L1CAM: variants seen among roughly 807,000 people sequenced by gnomAD.
L1CAM encodes the protein neural cell adhesion molecule L1.
Under a neutral mutation model 93.0 loss-of-function variants are expected in L1CAM, and 8 were observed. The observed-to-expected ratio is 0.09, with a 90% CI of 0.05 to 0.16. L1CAM has a LOEUF of 0.16. L1CAM is among the 10% of genes least tolerant of loss of function. The probability of loss-of-function intolerance (pLI) is 1.00; values close to 1 mark genes in which losing one functional copy is unlikely to be tolerated. For missense variants in L1CAM, 777 were observed against 1,073.4 expected, an observed-to-expected ratio of 0.72 and a Z score of 3.86; for synonymous variants, 453 against 453.0, an observed-to-expected ratio of 1.00 and a Z score of 0.00.
At chrX:153,884,014 G>A (rs1442868422) in intron 1 of L1CAM, 18 of 352,569 alleles carry the variant, frequency 5.1e-5, no homozygotes, top group Admixed American at 3.1e-4. Context: ...GGGAGAGGCC[G>A]ATTGGGGGCA....
Position 153,869,543 on chromosome X carries a change from G to A in L1CAM, c.1244C>T (p.Ala415Val). The A allele has an allele frequency of 8.3e-7, 1 of 1,211,004 alleles. No homozygotes were observed. Among genetic ancestry groups the A allele is most frequent in the Non-Finnish European group, 1.1e-6 (1 of 895,262 alleles). Residue 415 changes from alanine to valine, a missense_variant, in exon 11 of 29, where the codon GCC (alanine) becomes GTC (valine). This residue lies in a region of L1CAM where 574 missense variants were observed against 781.0 expected (regional missense o/e 0.73). Transcript: ENST00000370060. ...EARNRHGLLL[A>V]NAYIYVVQLP... ...ACGGACAACGTAGATGTAGGCATTG[G>A]CCAGCAAGAGCCCGTGCCGGTTGCG...
chrX:153,864,865 G>A lies in L1CAM; in HGVS notation c.3002C>T (p.Pro1001Leu). 1 of 1,212,478 alleles carries A rather than the reference G, an allele frequency of 8.2e-7. No individual in the cohort carries two copies. Among genetic ancestry groups the A allele is most frequent in the Non-Finnish European group, 1.1e-6 (1 of 895,606 alleles). ...FQLQATTKEG[P>L]GEAIVREGGT... The stretch of plus-strand genomic sequence containing the variant: ...TCCTTCCCGTACGATGGCTTCACCA[G>A]GGCCCTCTTTGGTGGTGGCCTGAAG... The change falls in exon 23 of 29, where the codon CCT becomes CTT. Residue 1001 changes from proline (P) to leucine (L), a missense_variant. By Grantham distance (98) the Pro-to-Leu change is moderately conservative. This residue lies in a region of L1CAM where 71 missense variants were observed against 77.4 expected (regional missense o/e 0.92). Coordinates refer to ENST00000370060, the MANE Select transcript of L1CAM (RefSeq NM_001278116.2).
At position 153,877,782 on chromosome X, in the gene L1CAM, AGGGTCAGGACAG is replaced by A. The variant is rs1480336125; in HGVS notation, c.-108-1850_-108-1839del. 3.6e-5 allele frequency among the ~76,000 whole-genome samples: 4 copies of A among 112,454 alleles called. No homozygotes were observed. The East Asian group carries it at 8.4e-4, about 24-fold the overall frequency. ...TCCTCCCTTCCAGATGCTCCAGGTT[AGGGTCAGGACAG>A]GGGTCAGGACAAGCTCTGGGACATT... On this transcript the variant is annotated intron_variant, in intron 1 of 28. Coordinates refer to ENST00000370060, the MANE Select transcript of L1CAM (RefSeq NM_001278116.2).
In L1CAM at chrX:153,872,708, G is replaced by A; in HGVS notation, c.92-11C>T. ...CAGGTGGCTCCATCACTGAAGACAGGGTGGAGAGAGCGGTGGTGAGGGTGC... is the reference window on the plus strand; with the variant it reads ...CAGGTGGCTCCATCACTGAAGACAGAGTGGAGAGAGCGGTGGTGAGGGTGC... On this transcript the variant is annotated splice_polypyrimidine_tract_variant and intron_variant, in intron 3 of 28. Transcript: ENST00000370060. The A allele has an allele frequency of 8.5e-7, 1 of 1,175,832 alleles. No individual in the cohort carries two copies. Among genetic ancestry groups the A allele is most frequent in the Non-Finnish European group, 1.2e-6 (1 of 862,728 alleles).
intron 10 of L1CAM, 39 bp from the exon 11 acceptor site, chrX:153,869,702 G>A (rs782270139): frequency 3.3e-6 from 4 of 1,201,944 alleles, no homozygotes; most frequent in Non-Finnish European, 4.5e-6. Context: ...CCACAGCCCG[G>A]CATTGAGCTG....
intron 26 of L1CAM, 61 bp from the exon 27 acceptor site, chrX:153,863,610 C>G: frequency 3.0e-6 from 3 of 1,016,849 alleles, no homozygotes; most frequent in Non-Finnish European, 4.1e-6. Flanking sequence ...GGCTCCAGGC[C>G]CCTCTACGCC....
At chrX:153,863,734 G>C (rs2064684835) in intron 26 of L1CAM, 149 bp downstream of exon 26, 1 of 925,251 alleles carries the variant, frequency 1.1e-6, no homozygotes, top group Non-Finnish European at 1.5e-6. Context: ...CCCGGCCTGG[G>C]AGGATGATCC....
chrX:153,882,716 C>T (rs956015635), intron 1 of L1CAM, among the ~76,000 whole-genome samples: 7 of 110,652 alleles, frequency 6.3e-5, no homozygotes, highest in Non-Finnish European at 1.3e-4. Context: ...GAGCCCAGGA[C>T]GCTGCCACCC....
chrX:153,876,328 AG>A (rs2064813996), intron 1 of L1CAM: 1 of 239,493 alleles, frequency 4.2e-6, no homozygotes, highest in African/African-American at 2.8e-5. Context: ...ATCTGCAAGC[AG>A]GGAGTGAGCT....
At chrX:153,883,700 A>C (rs1438376152) in intron 1 of L1CAM, 1 of 329,598 alleles carries the variant, frequency 3.0e-6, no homozygotes, top group Non-Finnish European at 6.1e-6. Context: ...GCCCCCACTC[A>C]TGCCTGGCAG....
chrX:153,886,159 G>T lies in L1CAM; in HGVS notation c.-203C>A, dbSNP rs1483179411. 6 of 112,419 alleles carry T rather than the reference G, an allele frequency of 5.3e-5. No homozygotes were observed. The highest frequency in any genetic ancestry group is 2.0e-4 in the African/African-American group (6 of 30,669). 9.3% of individuals were successfully genotyped at this position (112,419 alleles called of 1,213,427 possible). A position where few individuals can be genotyped will look rare whatever the true frequency, so the allele number is the denominator to read the frequency against. On this transcript the variant is annotated 5_prime_UTR_variant, in exon 1 of 29. Coordinates refer to ENST00000370060, the MANE Select transcript of L1CAM (RefSeq NM_001278116.2). ...AGCGCGTCTGCGATGCCGATGCTGCGGCAGCAGCGGCTGTGGCGGGGCGGG... is the reference window on the plus strand; with the variant it reads ...AGCGCGTCTGCGATGCCGATGCTGCTGCAGCAGCGGCTGTGGCGGGGCGGG...
Position 153,870,511 on chromosome X carries a change from A to G in L1CAM, c.695-12T>C. ...AATCATGCTGTTGGCTGCCAGGAGA[A>G]AGTGGGTGGGTGGGCTGCCCACTCT... On this transcript the variant is annotated splice_polypyrimidine_tract_variant and intron_variant, in intron 7 of 28. Coordinates refer to ENST00000370060, the MANE Select transcript of L1CAM (RefSeq NM_001278116.2). 1 of 1,187,410 alleles carries G rather than the reference A, an allele frequency of 8.4e-7. No individual in the cohort carries two copies. The highest frequency in any genetic ancestry group is 1.1e-6 in the Non-Finnish European group (1 of 873,600).
chrX:153,865,009 A>ACTGTGGGG lies in L1CAM; in HGVS notation c.2873-16_2873-15insCCCCACAG. The ACTGTGGGG allele has an allele frequency of 8.3e-7, 1 of 1,212,096 alleles. No individual in the cohort carries two copies. The highest frequency in any genetic ancestry group is 1.8e-5 in the South Asian group (1 of 57,039). On this transcript the variant is annotated splice_polypyrimidine_tract_variant and intron_variant, in intron 22 of 28. Coordinates refer to ENST00000370060, the MANE Select transcript of L1CAM (RefSeq NM_001278116.2). ...CCCCTCATCCACTGTGGGGACAGAC[A>ACTGTGGGG]GGGGTTGGCTGTGGCTGCAGCTCTG...
Position 153,870,052 on chromosome X carries a change from A to T in L1CAM, c.991+4T>A. 1 of 1,210,917 alleles carries T rather than the reference A, an allele frequency of 8.3e-7. No individual in the cohort carries two copies. The highest frequency in any genetic ancestry group is 1.1e-6 in the Non-Finnish European group (1 of 894,753). On this transcript the variant is annotated splice_donor_region_variant and intron_variant, in intron 9 of 28. Coordinates refer to ENST00000370060, the MANE Select transcript of L1CAM (RefSeq NM_001278116.2). ...CACAGGCCACTGTCCCAGGAGGTCC[A>T]TACCCTCCACGGTGACATAGTACGC...
chrX:153,883,052 C>G (rs2064853766), intron 1 of L1CAM, among the ~76,000 whole-genome samples: 1 of 111,938 alleles, frequency 8.9e-6, no homozygotes, highest in African/African-American at 3.3e-5. Flanking sequence ...CAGGCACCCC[C>G]CATACAGCCT....
At chrX:153,878,594 G>A (rs782809853) in intron 1 of L1CAM, among the ~76,000 whole-genome samples, 2 of 112,299 alleles carry the variant, frequency 1.8e-5, no homozygotes, top group Non-Finnish European at 1.9e-5. Context: ...TAGGAGACTC[G>A]GATCAGAGAG....
Position 153,872,097 on chromosome X carries a change from C to T in L1CAM, c.400+55G>A, listed in dbSNP as rs143000476. The stretch of plus-strand genomic sequence containing the variant: ...CTGGCTGACAGCAGCTTCCAGCCCA[C>T]AATCCCACACGAACTCCGGGACCTG... On this transcript the variant is annotated intron_variant, in intron 5 of 28. Coordinates refer to ENST00000370060, the MANE Select transcript of L1CAM (RefSeq NM_001278116.2). 1.1e-3 allele frequency: 1,183 copies of T among 1,055,918 alleles called. 13 individuals carry two copies. In the African/African-American group the frequency reaches 0.02, roughly 17 times the overall value. The allele number at this position is 1,055,918 out of a possible 1,213,427, so 87.0% of individuals were successfully genotyped here.
At chrX:153,875,597 CG>C (rs1569544982) in intron 2 of L1CAM, 163 bp downstream of exon 2, 1 of 537,467 alleles carries the variant, frequency 1.9e-6, no homozygotes, top group Non-Finnish European at 3.3e-6. Context: ...CCCTTCTCTC[CG>C]GGGGTACCCA....
intron 2 of L1CAM, 53 bp downstream of exon 2, chrX:153,875,707 AG>A: frequency 1.9e-6 from 2 of 1,042,331 alleles, no homozygotes; most frequent in Non-Finnish European, 2.7e-6. Flanking sequence ...GAAGATAAAG[AG>A]GGGCCCAACA....
Sources: allele counts gnomAD v4.1 joint callset (sites outside exome capture counted in the v4.1 genomes callset), GRCh38; gene constraint gnomAD v4.1.1; regional missense constraint gnomAD v4.1.1; transcripts MANE v1.5; gene names NCBI Gene and HGNC (gene_info 2026-07-23, HGNC 2026-07-21).